Variants in GRIA4 observed in about 807,000 individuals in gnomAD.
The protein encoded by GRIA4 is glutamate ionotropic receptor AMPA type subunit 4.
Under a neutral mutation model 104.0 loss-of-function variants are expected in GRIA4, and 34 were observed. That is an observed-to-expected ratio of 0.33 (90% CI 0.25 to 0.44). The LOEUF (loss-of-function observed/expected upper bound fraction) is 0.44, where lower values mean the gene tolerates loss of function less well. Ranked by LOEUF, GRIA4 falls within the 20% of genes least tolerant of loss-of-function variation. The pLI, the probability that GRIA4 is intolerant of heterozygous loss-of-function variation, is 1.00. For missense variants in GRIA4, 750 were observed against 1,096.5 expected (o/e 0.68, Z 4.46); for synonymous variants, 386 against 381.9 (o/e 1.01, Z -0.13).
At chr11:105,683,135 A>G (rs943286172) in intron 3 of GRIA4, among the ~76,000 whole-genome samples, 5 of 152,150 alleles carry the variant, frequency 3.3e-5, no homozygotes, top group Admixed American at 1.3e-4. Flanking sequence ...AGGAATAAAA[A>G]TTCCATGATT....
intron 3 of GRIA4, among the ~76,000 whole-genome samples, chr11:105,715,035 A>C (rs907909897): frequency 6.6e-6 from 1 of 152,222 alleles, no homozygotes; most frequent in African/African-American, 2.4e-5. Context: ...AATTGATTGC[A>C]ACAAAATCAT....
intron 4 of GRIA4, among the ~76,000 whole-genome samples, chr11:105,756,743 T>C (rs1940333071): frequency 8.2e-6 from 1 of 121,986 alleles, no homozygotes; most frequent in African/African-American, 3.4e-5. Flanking sequence ...TTTAAATCTT[T>C]TATGAAGACT....
intron 4 of GRIA4, among the ~76,000 whole-genome samples, chr11:105,797,356 T>C (rs1942523228): frequency 6.6e-6 from 1 of 152,190 alleles, no homozygotes; most frequent in South Asian, 2.1e-4. Context: ...TGTACTCCTT[T>C]TAGAAGAGAA....
intron 3 of GRIA4, among the ~76,000 whole-genome samples, chr11:105,747,575 G>T (rs922503152): frequency 6.6e-6 from 1 of 152,056 alleles, no homozygotes; most frequent in Non-Finnish European, 1.5e-5. Context: ...TTTATGTCAA[G>T]TATGAATATA....
At chr11:105,949,295 G>A (rs549470834) in intron 14 of GRIA4, among the ~76,000 whole-genome samples, 1 of 152,264 alleles carries the variant, frequency 6.6e-6, no homozygotes, top group African/African-American at 2.4e-5. Flanking sequence ...AAATTCATTA[G>A]TTGCCTTAGT....
At chr11:105,659,192 A>G (rs1951933703) in intron 3 of GRIA4, among the ~76,000 whole-genome samples, 1 of 151,860 alleles carries the variant, frequency 6.6e-6, no homozygotes, top group Admixed American at 6.6e-5. Context: ...AATTTCACCT[A>G]TGTCATCTTC....
intron 3 of GRIA4, among the ~76,000 whole-genome samples, chr11:105,646,926 G>T (rs1461914597): frequency 1.3e-5 from 2 of 152,092 alleles, no homozygotes; most frequent in African/African-American, 2.4e-5. Context: ...TACAACAAAA[G>T]CAACTATTGA....
intron 3 of GRIA4, among the ~76,000 whole-genome samples, chr11:105,716,287 A>G (rs932880724): frequency 2.0e-5 from 3 of 152,170 alleles, no homozygotes; most frequent in African/African-American, 7.2e-5. Flanking sequence ...AATAACACAG[A>G]AGAAAGAAAT....
At chr11:105,890,482 T>C (rs1946415983) in intron 6 of GRIA4, among the ~76,000 whole-genome samples, 1 of 152,224 alleles carries the variant, frequency 6.6e-6, no homozygotes, top group African/African-American at 2.4e-5. Flanking sequence ...TTAAATTGTC[T>C]TGTCATTAAC....
In GRIA4 at chr11:105,764,262, G is replaced by A. The variant is rs539047740; in HGVS notation, c.487+11042G>A. 1.4e-3 allele frequency among the ~76,000 whole-genome samples: 219 copies of A among 152,070 alleles called. 1 individual carries two copies. The highest frequency in any genetic ancestry group is 1.9e-3 in the Non-Finnish European group (130 of 67,958). ...AGTGATCCTCCTGCCTCAGCCTCCC[G>A]AGTGGCTGGGACTACAGGCGCCCAC... On this transcript the variant is annotated intron_variant, in intron 4 of 16. Transcript: ENST00000282499.
intron 4 of GRIA4, among the ~76,000 whole-genome samples, chr11:105,802,886 T>C (rs944325664): frequency 6.6e-6 from 1 of 151,798 alleles, no homozygotes; most frequent in Non-Finnish European, 1.5e-5. Flanking sequence ...ATTATAGATA[T>C]TATGTAATAT....
chr11:105,621,709 G>A (rs1345679838), intron 3 of GRIA4, among the ~76,000 whole-genome samples: 2 of 151,664 alleles, frequency 1.3e-5, no homozygotes, highest in African/African-American at 2.4e-5. Context: ...GACTATTCCT[G>A]CAAGATCAGT....
At chr11:105,669,055 C>G (rs1394028307) in intron 3 of GRIA4, among the ~76,000 whole-genome samples, 1 of 151,958 alleles carries the variant, frequency 6.6e-6, no homozygotes, top group Non-Finnish European at 1.5e-5. Context: ...GCAGTGTGTG[C>G]AGAAAAGTTG....
chr11:105,619,446 T>C (rs1365713785), intron 3 of GRIA4, among the ~76,000 whole-genome samples: 1 of 151,972 alleles, frequency 6.6e-6, no homozygotes, highest in Non-Finnish European at 1.5e-5. Flanking sequence ...ATTTTAAATT[T>C]ATATTTTTAA....
chr11:105,972,094 A>C, intron 15 of GRIA4, 66 bp downstream of exon 15: 1 of 921,388 alleles, frequency 1.1e-6, no homozygotes, highest in Non-Finnish European at 1.8e-6. Flanking sequence ...CAATTGTCAA[A>C]AGTATATGGA....
At chr11:105,796,086 T>C (rs1444134413) in intron 4 of GRIA4, among the ~76,000 whole-genome samples, 1 of 152,144 alleles carries the variant, frequency 6.6e-6, no homozygotes, top group African/African-American at 2.4e-5. Flanking sequence ...TTTTAAAATA[T>C]ATTTATATCA....
At chr11:105,883,074 AAAAAAC>A (rs911139921) in intron 5 of GRIA4, among the ~76,000 whole-genome samples, 5 of 152,124 alleles carry the variant, frequency 3.3e-5, no homozygotes, top group African/African-American at 9.7e-5. Flanking sequence ...TCTGCTTCTT[AAAAAAC>A]AAAAACAAAA....
Position 105,971,957 on chromosome 11 carries a change from G to C in GRIA4, c.2338G>C (p.Val780Leu). 6.2e-7 allele frequency: 1 copy of C among 1,612,754 alleles called. No homozygotes were observed. The highest frequency in any genetic ancestry group is 8.5e-7 in the Non-Finnish European group (1 of 1,179,054). Residue 780 changes from valine to leucine, a missense_variant, in exon 15 of 17, where the codon GTC becomes CTC. Val to Leu is a conservative substitution (Grantham distance 32). Coordinates refer to ENST00000282499, the MANE Select transcript of GRIA4 (RefSeq NM_000829.4). Reference sequence around the variant, plus strand: ...CGTTTTGAAACTCAGTGAGGCAGGCGTCTTAGACAAGCTGAAAAACAAATG... The same window carrying C: ...CGTTTTGAAACTCAGTGAGGCAGGCCTCTTAGACAAGCTGAAAAACAAATG... ...LAVLKLSEAGVLDKLKNKWWY... is the reference protein window; with the variant it reads ...LAVLKLSEAGLLDKLKNKWWY...
chr11:105,933,996 C>T, intron 14 of GRIA4, 27 bp downstream of exon 14: 7 of 1,574,672 alleles, frequency 4.4e-6, no homozygotes, highest in Non-Finnish European at 6.1e-6. Context: ...AACAATATAA[C>T]ATGTGTTGTT....
Sources: allele counts gnomAD v4.1 joint callset (sites outside exome capture counted in the v4.1 genomes callset), GRCh38; gene constraint gnomAD v4.1.1; transcripts MANE v1.5; gene names NCBI Gene and HGNC (gene_info 2026-07-23, HGNC 2026-07-21).